Variants in SASH1 observed in about 807,000 individuals in gnomAD.
SASH1 encodes SAM and SH3 domain containing 1, also known as SAM and SH3 domain-containing protein 1.
In SASH1, 44 loss-of-function variants were observed where a neutral mutation model predicts 125.2. The observed-to-expected ratio is 0.35, with a 90% CI of 0.28 to 0.45. SASH1 has a LOEUF of 0.45. Ranked by LOEUF, SASH1 falls within the 20% of genes least tolerant of loss-of-function variation. SASH1 has a pLI of 1.00. For missense variants in SASH1, 1,426 were observed against 1,614.5 expected (o/e 0.88, Z 2.00); for synonymous variants, 639 against 649.1 (o/e 0.98, Z 0.24).
chr6:148,400,766 G>GA (rs1458855231), intron 2 of SASH1, among the ~76,000 whole-genome samples: 1 of 151,940 alleles, frequency 6.6e-6, no homozygotes, highest in African/African-American at 2.4e-5. Flanking sequence ...AAAAGAAAGA[G>GA]AATTAAGCTC....
At position 148,486,936 on chromosome 6, in the gene SASH1, AATATAT is replaced by A. The variant is rs68036618; in HGVS notation, c.628-625_628-620del. Among the ~76,000 whole-genome samples the A allele has an allele frequency of 1.3e-3, 80 of 61,890 alleles. 1 individual carries two copies. The highest frequency in any genetic ancestry group is 1.7e-3 in the African/African-American group (20 of 11,982). The allele number at this position is 61,890 out of a possible 152,430, so 40.6% of individuals were successfully genotyped here. A position where few individuals can be genotyped will look rare whatever the true frequency, so the allele number is the denominator to read the frequency against. ...AGACCCTGTCTCAACAACAACAACAAATATATATATATATATATATATATATATATA... is the reference window on the plus strand; with the variant it reads ...AGACCCTGTCTCAACAACAACAACAAATATATATATATATATATATATATA... On this transcript the variant is annotated intron_variant, in intron 7 of 19. Coordinates refer to ENST00000367467, the MANE Select transcript of SASH1 (RefSeq NM_015278.5).
At chr6:148,373,384 T>C (rs1056127624) in intron 1 of SASH1, among the ~76,000 whole-genome samples, 1 of 151,506 alleles carries the variant, frequency 6.6e-6, no homozygotes. Flanking sequence ...GTGGCTCTGG[T>C]GTGTTGGAGG....
At position 148,326,231 on chromosome 6, in the gene SASH1, C is replaced by T. The variant is rs1460137330; in HGVS notation, n.74+53854C>T. On this transcript the variant is annotated intron_variant and non_coding_transcript_variant, in intron 1 of 3. Transcript: ENST00000367469. The stretch of plus-strand genomic sequence containing the variant: ...TTAGTAGAGATGGGGTTTCACCATG[C>T]CGACAAGGCTGGTCTCGAACTCCTG... 2.1e-5 allele frequency among the ~76,000 whole-genome samples: 3 copies of T among 143,520 alleles called. No individual in the cohort carries two copies. The East Asian group carries it at 6.3e-4, about 30-fold the overall frequency. The allele number at this position is 143,520 out of a possible 152,430, so 94.2% of individuals were successfully genotyped here. A position where few individuals can be genotyped will look rare whatever the true frequency, so the allele number is the denominator to read the frequency against.
chr6:148,435,255 G>A (rs1039608985), intron 2 of SASH1, among the ~76,000 whole-genome samples: 2 of 151,790 alleles, frequency 1.3e-5, no homozygotes, highest in Non-Finnish European at 2.9e-5. Flanking sequence ...GTGGGTACCT[G>A]TAATCCCAGC....
At chr6:148,369,511 G>A (rs1030828514) in intron 1 of SASH1, among the ~76,000 whole-genome samples, 2 of 152,134 alleles carry the variant, frequency 1.3e-5, no homozygotes, top group Non-Finnish European at 2.9e-5. Context: ...TGTTCTACAT[G>A]GATTATGTCT....
chr6:148,330,196 G>A (rs892661269), intron 1 of SASH1, among the ~76,000 whole-genome samples: 2 of 152,090 alleles, frequency 1.3e-5, no homozygotes, highest in Non-Finnish European at 2.9e-5. Context: ...TTAATCATAC[G>A]TGTGGTGTTG....
chr6:148,531,714 T>C lies in SASH1; in HGVS notation c.1564+53T>C, dbSNP rs1419652454. 3.6e-6 allele frequency: 5 copies of C among 1,379,336 alleles called. No individual in the cohort carries two copies. The East Asian group carries it at 1.1e-4, about 30-fold the overall frequency. 85.4% of individuals were successfully genotyped at this position (1,379,336 alleles called of 1,614,324 possible). Reference sequence around the variant, plus strand: ...TTTTCTTTGGAGTTAATATCTGACATATACTGAGCACTAGGTTCAGGCAAT... The same window carrying C: ...TTTTCTTTGGAGTTAATATCTGACACATACTGAGCACTAGGTTCAGGCAAT... On this transcript the variant is annotated intron_variant, in intron 13 of 19. Transcript: ENST00000367467.
At chr6:148,278,993 C>CT (rs1002394114) in intron 1 of SASH1, among the ~76,000 whole-genome samples, 145 of 144,110 alleles carry the variant, frequency 1.0e-3, no homozygotes, top group Non-Finnish European at 1.2e-3. Flanking sequence ...GCAAATGAAT[C>CT]TTTTTTTTTT....
intron 1 of SASH1, among the ~76,000 whole-genome samples, chr6:148,346,681 G>A (rs980280586): frequency 6.6e-6 from 1 of 152,150 alleles, no homozygotes; most frequent in Non-Finnish European, 1.5e-5. Context: ...AGACACATGT[G>A]CCTGCTGTAA....
intron 7 of SASH1, among the ~76,000 whole-genome samples, chr6:148,482,968 C>T (rs1200523267): frequency 2.6e-5 from 4 of 152,070 alleles, no homozygotes; most frequent in East Asian, 1.9e-4. Flanking sequence ...GGATTACAGG[C>T]GTGAGCCACC....
intron 4 of SASH1, among the ~76,000 whole-genome samples, chr6:148,452,982 C>T (rs1206894606): frequency 3.3e-5 from 5 of 152,368 alleles, no homozygotes; most frequent in East Asian, 3.9e-4. Context: ...TGTGTGTGCA[C>T]GCGTGCACCA....
the SASH1 span, among the ~76,000 whole-genome samples, chr6:148,211,526 G>A: frequency 1.3e-5 from 2 of 151,448 alleles, no homozygotes; most frequent in Admixed American, 1.3e-4. Context: ...AGCCAAGATT[G>A]TGCCACTGCA....
Position 148,519,728 on chromosome 6 carries a change from G to C in SASH1, c.1044G>C (p.Arg348=). Residue 348 remains arginine, a synonymous_variant, in exon 10 of 20, where the codon CGG becomes CGC. Coordinates refer to ENST00000367467, the MANE Select transcript of SASH1 (RefSeq NM_015278.5). This position sits in a 1 kb window ranked among gnomAD's most constrained non-coding sequence, Gnocchi z 4.8. ...SSSLDTWGAG[R]KLVKTFSKGE... is the part of the protein sequence containing the mutation. ...GCCTGGACACCTGGGGGGCTGGCCG[G>C]AAGTTGGTCAAAACCTTCAGCAAAG... is the stretch of plus-strand genomic sequence containing the variant. 1 of 1,614,148 alleles carries C rather than the reference G, an allele frequency of 6.2e-7. No individual in the cohort carries two copies. Among genetic ancestry groups the C allele is most frequent in the Non-Finnish European group, 8.5e-7 (1 of 1,180,042 alleles).
intron 2 of SASH1, among the ~76,000 whole-genome samples, chr6:148,414,034 C>T (rs536829008): frequency 1.2e-3 from 190 of 152,218 alleles, no homozygotes; most frequent in Admixed American, 2.6e-3. Context: ...TGGGACCCTC[C>T]TTAGCCAGGA....
chr6:148,516,651 A>T (rs9498055), intron 9 of SASH1, among the ~76,000 whole-genome samples: 3 of 151,884 alleles, frequency 2.0e-5, no homozygotes, highest in Non-Finnish European at 4.4e-5. Context: ...TAGATTTTAT[A>T]TTCTCTTTAA....
At chr6:148,332,699 T>C (rs1243744176) in intron 1 of SASH1, among the ~76,000 whole-genome samples, 2 of 151,894 alleles carry the variant, frequency 1.3e-5, no homozygotes, top group African/African-American at 4.8e-5. Context: ...TTAAAAATAA[T>C]CTACTGGCCG....
chr6:148,282,789 A>G (rs1779377189), intron 1 of SASH1, among the ~76,000 whole-genome samples: 1 of 152,044 alleles, frequency 6.6e-6, no homozygotes, highest in Admixed American at 6.6e-5. Flanking sequence ...TGGGGGCTAG[A>G]GGCAGAATAC....
intron 4 of SASH1, among the ~76,000 whole-genome samples, chr6:148,457,644 A>G (rs1366324727): frequency 6.6e-6 from 1 of 152,286 alleles, no homozygotes; most frequent in East Asian, 1.9e-4. Flanking sequence ...GCTTTGTGGA[A>G]GTTAGTCATT....
At chr6:148,515,068 G>A (rs1319184192) in intron 9 of SASH1, among the ~76,000 whole-genome samples, 2 of 152,170 alleles carry the variant, frequency 1.3e-5, no homozygotes, top group Non-Finnish European at 2.9e-5. Context: ...TATTGAAATG[G>A]ATAGTTAGCC....
Sources: allele counts gnomAD v4.1 joint callset (sites outside exome capture counted in the v4.1 genomes callset), GRCh38; gene constraint gnomAD v4.1.1; non-coding constraint Gnocchi (gnomAD v3.1); transcripts MANE v1.5; gene names NCBI Gene and HGNC (gene_info 2026-07-23, HGNC 2026-07-21).